The following GLI2 variants were observed in gnomAD, a reference collection of about 807,000 sequenced individuals.
GLI2 encodes transcription activator GLI2.
Under a neutral mutation model 78.9 loss-of-function variants are expected in GLI2, and 22 were observed. The observed-to-expected ratio is 0.28, with a 90% CI of 0.20 to 0.40. GLI2 has a LOEUF of 0.40. GLI2 is among the 10% of genes least tolerant of loss of function. The probability of loss-of-function intolerance (pLI) is 1.00; values close to 1 mark genes in which losing one functional copy is unlikely to be tolerated. For synonymous variants in GLI2, 974 were observed against 963.7 expected (o/e 1.01, Z -0.20); for missense variants, 2,097 against 2,213.2 (o/e 0.95, Z 1.05).
At chr2:120,960,311 G>T (rs562051934) in intron 5 of GLI2, among the ~76,000 whole-genome samples, 1 of 152,276 alleles carries the variant, frequency 6.6e-6, no homozygotes, top group South Asian at 2.1e-4. Context: ...GAGCACTGTA[G>T]GGGAGAGAAC....
chr2:120,758,983 G>T (rs568791283), intron 1 of GLI2, among the ~76,000 whole-genome samples: 1 of 152,162 alleles, frequency 6.6e-6, no homozygotes, highest in Non-Finnish European at 1.5e-5. Flanking sequence ...GGCCCTTTCT[G>T]TGCCCAATCC....
At chr2:120,791,930 C>CGT (rs1322032104) in intron 1 of GLI2, among the ~76,000 whole-genome samples, 2 of 151,990 alleles carry the variant, frequency 1.3e-5, no homozygotes, top group Non-Finnish European at 1.5e-5. Flanking sequence ...TGTGAGCCTG[C>CGT]GTGTGTGTGT....
chr2:120,855,643 C>T (rs1340266206), intron 2 of GLI2, among the ~76,000 whole-genome samples: 1 of 152,254 alleles, frequency 6.6e-6, no homozygotes, highest in Non-Finnish European at 1.5e-5. Context: ...GAAACTACTG[C>T]GAGCTCACTT....
At chr2:120,834,948 C>T (rs17005273) in intron 2 of GLI2, among the ~76,000 whole-genome samples, 28,421 of 152,124 alleles carry the variant, frequency 0.19, 2,971 homozygotes, top group African/African-American at 0.26. Flanking sequence ...CATGGGTCCT[C>T]ACTCTTCAGC....
At chr2:120,837,597 C>T (rs1039218001) in intron 2 of GLI2, among the ~76,000 whole-genome samples, 8 of 152,064 alleles carry the variant, frequency 5.3e-5, no homozygotes, top group Non-Finnish European at 4.4e-5. Context: ...TGAGGTCATA[C>T]GGCTATTCTC....
At chr2:120,782,123 C>T (rs1683867081) in intron 1 of GLI2, among the ~76,000 whole-genome samples, 1 of 152,192 alleles carries the variant, frequency 6.6e-6, no homozygotes, top group South Asian at 2.1e-4. Context: ...CGTTGTCTCG[C>T]TACGATAGCA....
At chr2:120,925,889 G>A (rs1017049827) in intron 2 of GLI2, among the ~76,000 whole-genome samples, 1 of 151,632 alleles carries the variant, frequency 6.6e-6, no homozygotes, top group African/African-American at 2.4e-5. Context: ...TGGCTAACAC[G>A]GTGAAACCTC....
intron 3 of GLI2, among the ~76,000 whole-genome samples, chr2:120,934,642 C>T (rs745869726): frequency 2.0e-5 from 3 of 152,198 alleles, no homozygotes; most frequent in Non-Finnish European, 2.9e-5. Context: ...GGGGGCCTCA[C>T]CTCCCTTTCA....
chr2:120,853,235 C>G (rs895407693), intron 2 of GLI2, among the ~76,000 whole-genome samples: 2 of 152,140 alleles, frequency 1.3e-5, no homozygotes, highest in African/African-American at 4.8e-5. Context: ...AAGGTGCAGG[C>G]AGACCAGGAC....
chr2:120,880,233 C>G (rs560791418), intron 2 of GLI2, among the ~76,000 whole-genome samples: 1 of 152,244 alleles, frequency 6.6e-6, no homozygotes, highest in African/African-American at 2.4e-5. Context: ...AGCTTAGAGC[C>G]CGTCGTCCAG....
chr2:120,803,893 G>T (rs76855407), intron 2 of GLI2, among the ~76,000 whole-genome samples: 20 of 152,296 alleles, frequency 1.3e-4, no homozygotes, highest in Admixed American at 4.6e-4. Context: ...AGAGTCTCAG[G>T]GGGGGAGACT....
chr2:120,752,197 C>T (rs1682892900), intron 1 of GLI2, among the ~76,000 whole-genome samples: 1 of 151,782 alleles, frequency 6.6e-6, no homozygotes, highest in South Asian at 2.1e-4. Context: ...TCTTGGCATT[C>T]TATCCACGTG....
chr2:120,900,382 A>G (rs569347159), intron 2 of GLI2, among the ~76,000 whole-genome samples: 1 of 152,190 alleles, frequency 6.6e-6, no homozygotes, highest in Non-Finnish European at 1.5e-5. Flanking sequence ...TTAAACACAC[A>G]CCAGGTGATG....
intron 1 of GLI2, among the ~76,000 whole-genome samples, chr2:120,781,899 A>G (rs1161890513): frequency 4.6e-5 from 7 of 152,004 alleles, no homozygotes; most frequent in Admixed American, 6.6e-5. Flanking sequence ...AAAAAAGAAC[A>G]TTACCAAAAA....
chr2:120,814,351 C>T, intron 2 of GLI2, among the ~76,000 whole-genome samples: 1 of 152,166 alleles, frequency 6.6e-6, no homozygotes, highest in East Asian at 1.9e-4. Context: ...TTTTCTGTGT[C>T]TGTATGATTT....
chr2:120,806,058 G>A (rs146176893), intron 2 of GLI2, among the ~76,000 whole-genome samples: 4 of 152,282 alleles, frequency 2.6e-5, no homozygotes, highest in East Asian at 3.9e-4. Flanking sequence ...CTCAGTATGC[G>A]CCGGAGGGAG....
chr2:120,875,564 G>A (rs1688695955), intron 2 of GLI2, among the ~76,000 whole-genome samples: 1 of 152,338 alleles, frequency 6.6e-6, no homozygotes, highest in Admixed American at 6.5e-5. Flanking sequence ...GAGTGCTAAC[G>A]GCGGTGCTAA....
chr2:120,984,919 A>G (rs1353100872), intron 12 of GLI2, among the ~76,000 whole-genome samples, 176 bp downstream of exon 12: 1 of 152,090 alleles, frequency 6.6e-6, no homozygotes, highest in Non-Finnish European at 1.5e-5. Context: ...CATGGAACCT[A>G]TCTTGTCCAG....
intron 2 of GLI2, among the ~76,000 whole-genome samples, chr2:120,927,021 G>A (rs771329439): frequency 1.1e-4 from 17 of 152,236 alleles, no homozygotes; most frequent in African/African-American, 3.6e-4. Flanking sequence ...GGCAGAAGCC[G>A]GCGGAGTTGG....
Sources: allele counts gnomAD v4.1 joint callset (sites outside exome capture counted in the v4.1 genomes callset), GRCh38; gene constraint gnomAD v4.1.1; transcripts MANE v1.5; gene names NCBI Gene and HGNC (gene_info 2026-07-23, HGNC 2026-07-21).